CYP11A1: variants seen among roughly 807,000 people sequenced by gnomAD.
CYP11A1 encodes cytochrome P450 family 11 subfamily A member 1.
Under a neutral mutation model 51.9 loss-of-function variants are expected in CYP11A1, and 25 were observed. That is an observed-to-expected ratio of 0.48 (90% CI 0.35 to 0.67). The LOEUF is 0.67. Ranked by LOEUF, CYP11A1 falls within the 30% of genes least tolerant of loss-of-function variation. The pLI is 0.00. For synonymous variants in CYP11A1, 245 were observed against 262.1 expected (o/e 0.93, Z 0.63); for missense variants, 578 against 680.9 (o/e 0.85, Z 1.68).
Position 74,345,408 on chromosome 15 carries a change from A to C in CYP11A1, c.426-165T>G. On this transcript the variant is annotated intron_variant, in intron 2 of 8. Transcript: ENST00000268053. This position sits in a 1 kb window ranked among gnomAD's most constrained non-coding sequence, Gnocchi z 4.3. ...CCTCTCCGAGCACCCTCTGCCTCTC[A>C]CCTCCTCCCTGCTCTGCCTGGCTGG... 1.5e-6 allele frequency: 1 copy of C among 687,348 alleles called. No individual in the cohort carries two copies. Among genetic ancestry groups the C allele is most frequent in the Non-Finnish European group, 2.6e-6 (1 of 386,240 alleles). 42.6% of individuals were successfully genotyped at this position (687,348 alleles called of 1,614,324 possible).
chr15:74,365,685 G>C (rs1596169820), intron 1 of CYP11A1: 2 of 985,504 alleles, frequency 2.0e-6, no homozygotes, highest in Non-Finnish European at 2.4e-6. Context: ...TCAGAAGTTG[G>C]ACAGGAGAGG....
rs776056840 is a variant in CYP11A1 at position 74,347,967 on chromosome 15, G to A, written c.358C>T (p.Arg120Ter). ...GCGACCCAGGGCGGGATGAGGAATC[G>A]TTCTGGGTTGGGGCCCTCGGACTTA... is the stretch of plus-strand genomic sequence containing the variant. Reference protein sequence around the residue: ...LFKSEGPNPERFLIPPWVAYH... With the variant: ...LFKSEGPNPE The change falls in exon 2 of 9, where the codon CGA (arginine) becomes TGA (stop). Residue 120 changes from arginine (R) to a stop codon, truncating the protein, a stop_gained. Coordinates refer to ENST00000268053, the MANE Select transcript of CYP11A1 (RefSeq NM_000781.3). LOFTEE classifies it high-confidence loss of function. 4 of 1,614,074 alleles carry A rather than the reference G, an allele frequency of 2.5e-6. No individual in the cohort carries two copies. The highest frequency in any genetic ancestry group is 2.2e-5 in the South Asian group (2 of 91,092).
At chr15:74,361,463 C>G in intron 1 of CYP11A1, 1 of 410,954 alleles carries the variant, frequency 2.4e-6, no homozygotes, top group Non-Finnish European at 4.6e-6. Flanking sequence ...TCATGTTAAA[C>G]CAGCTAATAC....
intron 7 of CYP11A1, 60 bp from the exon 8 acceptor site, chr15:74,338,828 A>T: frequency 6.6e-7 from 1 of 1,505,244 alleles, no homozygotes; most frequent in Non-Finnish European, 9.1e-7. Flanking sequence ...CTGAGCACAA[A>T]ACCCCCTTCC....
intron 1 of CYP11A1, chr15:74,348,371 C>T (rs943581203): frequency 4.2e-5 from 16 of 384,798 alleles, no homozygotes; most frequent in Middle Eastern, 8.0e-4. Flanking sequence ...AAGCCACCCC[C>T]GAGCCTTCCA....
At chr15:74,364,052 G>A (rs1227295943) in intron 1 of CYP11A1, 1 of 152,208 alleles carries the variant, frequency 6.6e-6, no homozygotes, top group Admixed American at 6.5e-5. Flanking sequence ...GACAGTATAG[G>A]TATCCACCCC....
At chr15:74,349,136 A>G (rs1314029690) in intron 1 of CYP11A1, among the ~76,000 whole-genome samples, 2 of 152,194 alleles carry the variant, frequency 1.3e-5, no homozygotes, top group Non-Finnish European at 2.9e-5. Context: ...ATCTAACTCC[A>G]AGGAGAGAGG....
rs748717564 is a variant in CYP11A1, at chr15:74,348,166, C to T, written c.270-111G>A. 23 of 1,275,438 alleles carry T rather than the reference C, an allele frequency of 1.8e-5. 1 individual carries two copies. In the Middle Eastern group the frequency reaches 5.5e-4, roughly 31 times the overall value. 79.0% of individuals were successfully genotyped at this position (1,275,438 alleles called of 1,614,324 possible). On this transcript the variant is annotated intron_variant, in intron 1 of 8. Transcript: ENST00000268053. Reference sequence around the variant, plus strand: ...AACTTGCTGACTGTGGGACCTGAGTCGAGGCCCTTAACCCCTCTGAGTCTC... The same window carrying T: ...AACTTGCTGACTGTGGGACCTGAGTTGAGGCCCTTAACCCCTCTGAGTCTC...
Position 74,367,178 on chromosome 15 carries a change from C to CA in CYP11A1, c.269+138dup, listed in dbSNP as rs11350546. 0.011 allele frequency: 7,376 copies of CA among 692,030 alleles called. 161 individuals are homozygous for CA. The highest frequency in any genetic ancestry group is 0.08 in the African/African-American group (4,086 of 51,020). 42.9% of individuals were successfully genotyped at this position (692,030 alleles called of 1,614,324 possible). A position where few individuals can be genotyped will look rare whatever the true frequency, so the allele number is the denominator to read the frequency against. On this transcript the variant is annotated intron_variant, in intron 1 of 8. Transcript: ENST00000268053. ...CTGATATATTTCTGTATTGTATTAC[C>CA]AAAAAAAAAAAAAAAAAAGAAGTTA...
rs146302720 is a variant in CYP11A1, at chr15:74,345,705, C to T, written c.426-462G>A. Among the ~76,000 whole-genome samples the T allele has an allele frequency of 1.3e-3, 193 of 152,286 alleles. 2 individuals are homozygous for T. Among genetic ancestry groups the T allele is most frequent in the African/African-American group, 4.6e-3 (191 of 41,562 alleles). ...AGCCTCTCCTCCTCTGCACCCCCAA[C>T]ACGTCCCATTACTCACTTCTGTCGG... On this transcript the variant is annotated intron_variant, in intron 2 of 8. Transcript: ENST00000268053. This position sits in a 1 kb window ranked among gnomAD's most constrained non-coding sequence, Gnocchi z 4.3.
intron 1 of CYP11A1, 21 bp downstream of exon 1, chr15:74,367,296 C>A: frequency 1.2e-6 from 2 of 1,614,112 alleles, no homozygotes; most frequent in South Asian, 1.1e-5. Flanking sequence ...CCCTTCGGCT[C>A]CCACCCTCTG....
At position 74,345,159 on chromosome 15, in the gene CYP11A1, CA is replaced by C. The variant is rs1178589612; in HGVS notation, c.509del (p.Leu170ArgfsTer56). 3.1e-6 allele frequency: 5 copies of C among 1,614,104 alleles called. No individual in the cohort carries two copies. Among genetic ancestry groups the C allele is most frequent in the East Asian group, 2.2e-5 (1 of 44,898 alleles). ...APEATKNFLP[L>X]LDAVSRDFVS... ...CGAAGTCCCGAGACACTGCATCCAA[CA>C]GGGGCAAAAAGTTCTTGGTGGCCTC... On this transcript the variant is annotated frameshift_variant, in exon 3 of 9. Transcript: ENST00000268053. LOFTEE classifies it high-confidence loss of function. The surrounding 1 kb of genome is among the most constrained non-coding windows in gnomAD (Gnocchi z 4.3).
Position 74,343,045 on chromosome 15 carries a change from C to T in CYP11A1, c.922G>A (p.Asp308Asn), listed in dbSNP as rs2141233676. The change falls in exon 5 of 9, where the codon GAC becomes AAC. Residue 308 changes from aspartate (D) to asparagine (N), a missense_variant. Transcript: ENST00000268053. Reference protein sequence around the residue: ...YRGILYRLLGDSKMSFEDIKA... With the variant: ...YRGILYRLLGNSKMSFEDIKA... Reference sequence around the variant, plus strand: ...ATGTCCTCGAAGGACATCTTGCTGTCTCCCAGGAGTCTGTAGAGGATGCCA... The same window carrying T: ...ATGTCCTCGAAGGACATCTTGCTGTTTCCCAGGAGTCTGTAGAGGATGCCA... 1.2e-6 allele frequency: 2 copies of T among 1,613,626 alleles called. No individual in the cohort carries two copies. The highest frequency in any genetic ancestry group is 1.7e-6 in the Non-Finnish European group (2 of 1,180,042).
chr15:74,355,032 T>C (rs2060672785), intron 1 of CYP11A1, among the ~76,000 whole-genome samples: 1 of 151,914 alleles, frequency 6.6e-6, no homozygotes, highest in Non-Finnish European at 1.5e-5. Context: ...ACCTCCCTTC[T>C]CTCCGTGTCT....
chr15:74,356,595 C>T (rs1209696841), intron 1 of CYP11A1: 1 of 152,224 alleles, frequency 6.6e-6, no homozygotes, highest in African/African-American at 2.4e-5. Flanking sequence ...GGCTTCTAAA[C>T]CTCTTAAAAC....
At chr15:74,357,347 A>G (rs545992304) in intron 1 of CYP11A1, among the ~76,000 whole-genome samples, 34 of 152,040 alleles carry the variant, frequency 2.2e-4, no homozygotes, top group African/African-American at 7.2e-4. Context: ...TTCCTCATCC[A>G]TTACCTATCT....
At chr15:74,340,789 G>A (rs2060603192) in intron 5 of CYP11A1, among the ~76,000 whole-genome samples, 1 of 151,998 alleles carries the variant, frequency 6.6e-6, no homozygotes, top group Non-Finnish European at 1.5e-5. Flanking sequence ...AGAGGCTCAG[G>A]CCTGAGCCAC....
chr15:74,354,272 C>T (rs1308745129), intron 1 of CYP11A1, among the ~76,000 whole-genome samples: 1 of 152,194 alleles, frequency 6.6e-6, no homozygotes, highest in Non-Finnish European at 1.5e-5. Flanking sequence ...TAACTGATAA[C>T]ATTACCTTGT....
intron 1 of CYP11A1, among the ~76,000 whole-genome samples, chr15:74,349,229 G>A (rs895810592): frequency 1.3e-5 from 2 of 152,142 alleles, no homozygotes; most frequent in Non-Finnish European, 2.9e-5. Flanking sequence ...TAATTCTGTT[G>A]TTTAAGCAAA....
Sources: gnomAD v4.1 joint callset for allele counts (sites outside exome capture counted in the v4.1 genomes callset) on GRCh38, gnomAD v4.1.1 for gene constraint, Gnocchi (gnomAD v3.1) non-coding constraint, MANE v1.5 for transcripts, NCBI Gene and HGNC (gene_info 2026-07-23, HGNC 2026-07-21) for gene names.